Variants in ATL1 observed in about 807,000 individuals in gnomAD.
The protein encoded by ATL1 is atlastin GTPase 1.
In ATL1, 31 loss-of-function variants were observed where a neutral mutation model predicts 75.5. The observed-to-expected ratio is 0.41, with a 90% CI of 0.31 to 0.55. The LOEUF is 0.55. Ranked by LOEUF, ATL1 falls within the 20% of genes least tolerant of loss-of-function variation. The pLI is 0.27. For synonymous variants in ATL1, 226 were observed against 233.3 expected (o/e 0.97, Z 0.28); for missense variants, 405 against 662.6 (o/e 0.61, Z 4.27).
chr14:50,536,351 G>C (rs539941369), intron 1 of ATL1, among the ~76,000 whole-genome samples: 1 of 150,912 alleles, frequency 6.6e-6, no homozygotes, highest in Non-Finnish European at 1.5e-5. Flanking sequence ...CAGGAGAATC[G>C]CTTGAACCCA....
chr14:50,590,641 C>G (rs974396573), intron 2 of ATL1, among the ~76,000 whole-genome samples: 2 of 152,140 alleles, frequency 1.3e-5, no homozygotes, highest in Non-Finnish European at 2.9e-5. Context: ...TTTTGGCATG[C>G]ATTTATTGCA....
intron 4 of ATL1, 41 bp from the exon 5 acceptor site, chr14:50,593,805 T>C (rs2140208041): frequency 7.5e-7 from 1 of 1,324,832 alleles, no homozygotes; most frequent in Non-Finnish European, 1.1e-6. Context: ...CTTAGGATGA[T>C]GCCAGTTATC....
Position 50,614,531 on chromosome 14 carries a change from T to C in ATL1, c.862+20T>C. 6.2e-7 allele frequency: 1 copy of C among 1,612,162 alleles called. No individual in the cohort carries two copies. The highest frequency in any genetic ancestry group is 1.1e-5 in the South Asian group (1 of 90,980). On this transcript the variant is annotated intron_variant, in intron 8 of 13. Coordinates refer to ENST00000358385, the MANE Select transcript of ATL1 (RefSeq NM_015915.5). ...TGAAAGGTTTGTGTCTTTTAATGAA[T>C]ATGTTTGCATCACTTAGTCTGATTA...
intron 1 of ATL1, among the ~76,000 whole-genome samples, chr14:50,571,071 T>G (rs2038951349): frequency 6.6e-6 from 1 of 152,110 alleles, no homozygotes; most frequent in African/African-American, 2.4e-5. Context: ...GAAGGGGTAG[T>G]TAAAGGAACC....
chr14:50,593,455 A>T (rs948972650), intron 4 of ATL1, among the ~76,000 whole-genome samples: 6 of 152,208 alleles, frequency 3.9e-5, no homozygotes, highest in African/African-American at 1.4e-4. Flanking sequence ...CATAAATAAA[A>T]TGATTAATTG....
intron 8 of ATL1, 118 bp from the exon 9 acceptor site, chr14:50,620,481 G>C: frequency 9.3e-7 from 1 of 1,074,826 alleles, no homozygotes; most frequent in Non-Finnish European, 1.4e-6. Context: ...TGATGGGGAA[G>C]TGAGTGATGG....
chr14:50,561,813 A>C (rs1274747964), intron 1 of ATL1, among the ~76,000 whole-genome samples: 1 of 152,142 alleles, frequency 6.6e-6, no homozygotes, highest in Admixed American at 6.5e-5. Flanking sequence ...TCTGAAATTT[A>C]AGTAAGCATT....
chr14:50,574,908 A>AGTGTGTGT (rs35304376), intron 1 of ATL1, among the ~76,000 whole-genome samples: 1 of 52,278 alleles, frequency 1.9e-5, no homozygotes, highest in Non-Finnish European at 3.4e-5. Context: ...TTCAATACTG[A>AGTGTGTGT]GTGTGTGTGT....
chr14:50,603,824 A>C (rs931415153), intron 6 of ATL1, among the ~76,000 whole-genome samples: 1 of 152,190 alleles, frequency 6.6e-6, no homozygotes, highest in African/African-American at 2.4e-5. Context: ...ATATGAAAAA[A>C]GACAGCTGAG....
At chr14:50,585,359 GT>G (rs780119522) in intron 1 of ATL1, among the ~76,000 whole-genome samples, 4 of 152,148 alleles carry the variant, frequency 2.6e-5, no homozygotes, top group Non-Finnish European at 4.4e-5. Context: ...TTATGATCTA[GT>G]TTTCTGCCCC....
chr14:50,579,472 T>G (rs1222200934), intron 1 of ATL1, among the ~76,000 whole-genome samples: 1 of 152,220 alleles, frequency 6.6e-6, no homozygotes, highest in African/African-American at 2.4e-5. Context: ...CTTTTTGCCT[T>G]TCCATACAAG....
rs1174490868 is a variant in ATL1 at position 50,577,147 on chromosome 14, C to T, written c.35-10684C>T. ...GCGCAATCTCAGCTCTCTGCAACCT[C>T]CACCTCCCGGGTTCAAGCGATTCTC... On this transcript the variant is annotated intron_variant, in intron 1 of 13. Coordinates refer to ENST00000358385, the MANE Select transcript of ATL1 (RefSeq NM_015915.5). 3.3e-5 allele frequency among the ~76,000 whole-genome samples: 5 copies of T among 152,282 alleles called. No individual in the cohort carries two copies. The East Asian group carries it at 9.7e-4, about 29-fold the overall frequency.
intron 12 of ATL1, 117 bp from the exon 13 acceptor site, chr14:50,629,877 AG>A (rs1277390012): frequency 9.1e-6 from 5 of 548,456 alleles, no homozygotes; most frequent in Non-Finnish European, 8.5e-6. Flanking sequence ...AAAAATCTGC[AG>A]GAGTATCTGT....
At chr14:50,585,364 C>A (rs1035686562) in intron 1 of ATL1, among the ~76,000 whole-genome samples, 4 of 152,178 alleles carry the variant, frequency 2.6e-5, no homozygotes, top group Non-Finnish European at 4.4e-5. Flanking sequence ...ATCTAGTTTT[C>A]TGCCCCAAAG....
chr14:50,604,849 T>C (rs758872924), intron 6 of ATL1, among the ~76,000 whole-genome samples: 9 of 151,980 alleles, frequency 5.9e-5, no homozygotes, highest in Non-Finnish European at 1.3e-4. Flanking sequence ...AAATGTTGGG[T>C]GTTTTCAGTT....
At chr14:50,593,615 C>T (rs2039184257) in intron 4 of ATL1, among the ~76,000 whole-genome samples, 1 of 152,102 alleles carries the variant, frequency 6.6e-6, no homozygotes, top group African/African-American at 2.4e-5. Context: ...ATTCCATCTC[C>T]AGAGCAGGTG....
At chr14:50,605,372 A>G (rs980277791) in intron 6 of ATL1, among the ~76,000 whole-genome samples, 5 of 151,860 alleles carry the variant, frequency 3.3e-5, no homozygotes, top group African/African-American at 1.2e-4. Flanking sequence ...TATTTTGCTA[A>G]TTACCCAAGC....
At position 50,579,603 on chromosome 14, in the gene ATL1, C is replaced by T. The variant is rs117222699; in HGVS notation, c.35-8228C>T. ...CAATCTATTGATCAATGGGAAGCAT[C>T]GACACATTCACAATATAGAGCTTTC... On this transcript the variant is annotated intron_variant, in intron 1 of 13. Transcript: ENST00000358385. 7.2e-5 allele frequency among the ~76,000 whole-genome samples: 11 copies of T among 152,276 alleles called. No homozygotes were observed. The East Asian group carries it at 1.7e-3, about 24-fold the overall frequency.
At chr14:50,556,717 TA>T (rs111269923), upstream of ATL1, among the ~76,000 whole-genome samples, 5 of 152,342 alleles carry the variant, frequency 3.3e-5, 1 homozygote, top group South Asian at 2.1e-4. Flanking sequence ...GCCTATTCTA[TA>T]AATTTCATAT....
Sources: gnomAD v4.1 joint callset for allele counts (sites outside exome capture counted in the v4.1 genomes callset) on GRCh38, gnomAD v4.1.1 for gene constraint, MANE v1.5 for transcripts, NCBI Gene and HGNC (gene_info 2026-07-23, HGNC 2026-07-21) for gene names.